Variants in GFOD1 observed in about 807,000 individuals in gnomAD.
GFOD1 encodes the protein Gfo/Idh/MocA-like oxidoreductase domain containing 1, also known as glucose-fructose oxidoreductase domain-containing protein 1.
In GFOD1, 9 loss-of-function variants were observed where a neutral mutation model predicts 25.4. The ratio of observed to expected loss-of-function variants is 0.35; its 90% CI spans 0.21 to 0.62. The LOEUF is 0.62. GFOD1 is among the 20% of genes least tolerant of loss of function. The pLI is 0.72. For missense variants in GFOD1, 403 were observed against 556.9 expected (o/e 0.72, Z 2.78); for synonymous variants, 253 against 245.6 (o/e 1.03, Z -0.28).
intron 1 of GFOD1, among the ~76,000 whole-genome samples, chr6:13,390,434 T>C (rs954630451): frequency 6.0e-5 from 9 of 150,060 alleles, no homozygotes; most frequent in Non-Finnish European, 1.2e-4. Context: ...CTAAAAAAAA[T>C]ACAAAAAATA....
intron 1 of GFOD1, among the ~76,000 whole-genome samples, chr6:13,475,745 A>G (rs1194706313): frequency 1.4e-5 from 2 of 142,386 alleles, no homozygotes; most frequent in Admixed American, 1.4e-4. Flanking sequence ...AATAATAATA[A>G]TAATAATAAT....
At chr6:13,468,333 G>C (rs914495939) in intron 1 of GFOD1, among the ~76,000 whole-genome samples, 2 of 151,800 alleles carry the variant, frequency 1.3e-5, no homozygotes, top group Non-Finnish European at 2.9e-5. Context: ...AATTCTAATG[G>C]CTATTTAGTA....
At chr6:13,370,099 G>A (rs1785120622) in intron 1 of GFOD1, among the ~76,000 whole-genome samples, 1 of 152,184 alleles carries the variant, frequency 6.6e-6, no homozygotes, top group South Asian at 2.1e-4. Flanking sequence ...AAGTCTAGGG[G>A]AGCTGGCAGG....
chr6:13,439,118 A>C (rs1757877170), intron 1 of GFOD1, among the ~76,000 whole-genome samples: 1 of 152,206 alleles, frequency 6.6e-6, no homozygotes, highest in Non-Finnish European at 1.5e-5. Flanking sequence ...TTAGGGGTAC[A>C]TTCCCCAAAC....
At position 13,361,614 on chromosome 6, in the gene GFOD1, C is replaced by T. The variant is rs957294693; in HGVS notation, c.*3129G>A. The stretch of plus-strand genomic sequence containing the variant: ...GGCTAGAGATTTCAGCTTCATATAG[C>T]TACCCCAAATCAAGTCTTTGCATGT... On this transcript the variant is annotated 3_prime_UTR_variant, in exon 2 of 2. Transcript: ENST00000379287. 1 of 152,166 alleles carries T rather than the reference C, an allele frequency of 6.6e-6. No individual in the cohort carries two copies. The highest frequency in any genetic ancestry group is 1.5e-5 in the Non-Finnish European group (1 of 68,052). The allele number at this position is 152,166 out of a possible 1,614,324, so 9.4% of individuals were successfully genotyped here.
At chr6:13,385,387 T>A (rs2127559697) in intron 1 of GFOD1, among the ~76,000 whole-genome samples, 1 of 152,340 alleles carries the variant, frequency 6.6e-6, no homozygotes, top group South Asian at 2.1e-4. Flanking sequence ...TTAATGGAAC[T>A]GTCATTCAAC....
chr6:13,461,902 T>C (rs1758296454), intron 1 of GFOD1, among the ~76,000 whole-genome samples: 3 of 152,174 alleles, frequency 2.0e-5, no homozygotes, highest in South Asian at 2.1e-4. Context: ...GTACCAAGCA[T>C]GGTGCAATGA....
intron 1 of GFOD1, among the ~76,000 whole-genome samples, chr6:13,422,627 G>C (rs1786279678): frequency 6.6e-6 from 1 of 152,178 alleles, no homozygotes; most frequent in South Asian, 2.1e-4. Context: ...TAGCGTTCAG[G>C]TGGATGACAG....
chr6:13,390,775 G>GGGGA (rs1785579220), intron 1 of GFOD1, among the ~76,000 whole-genome samples: 1 of 118,378 alleles, frequency 8.4e-6, no homozygotes, highest in African/African-American at 5.1e-5. Context: ...GAGAGAGAGA[G>GGGGA]AGAGAAAGGA....
chr6:13,397,491 C>G (rs1785756075), intron 1 of GFOD1, among the ~76,000 whole-genome samples: 1 of 152,234 alleles, frequency 6.6e-6, no homozygotes, highest in South Asian at 2.1e-4. Context: ...TCTGGCATCT[C>G]TGGGGCAGCC....
intron 1 of GFOD1, among the ~76,000 whole-genome samples, chr6:13,428,864 G>A (rs1331339868): frequency 6.6e-6 from 1 of 152,172 alleles, no homozygotes; most frequent in Non-Finnish European, 1.5e-5. Flanking sequence ...TAGCAAGAAG[G>A]TCCACTAAGT....
At chr6:13,394,834 T>C (rs771720842) in intron 1 of GFOD1, among the ~76,000 whole-genome samples, 22 of 151,856 alleles carry the variant, frequency 1.4e-4, no homozygotes, top group Non-Finnish European at 2.2e-4. Context: ...CGTTTCACCA[T>C]ATTGGCCAGG....
intron 1 of GFOD1, among the ~76,000 whole-genome samples, chr6:13,451,365 C>T (rs1451480688): frequency 2.6e-5 from 4 of 152,248 alleles, no homozygotes; most frequent in South Asian, 2.1e-4. Context: ...CACGGAGGCC[C>T]GAGCCTAGGG....
intron 1 of GFOD1, among the ~76,000 whole-genome samples, chr6:13,392,343 C>CAAAAAA (rs1035923592): frequency 6.5e-5 from 4 of 61,444 alleles, no homozygotes; most frequent in Admixed American, 2.0e-4. Flanking sequence ...GACCCTATCT[C>CAAAAAA]AAAAAAAAAA....
chr6:13,455,131 C>T (rs1758165803), intron 1 of GFOD1, among the ~76,000 whole-genome samples: 1 of 152,170 alleles, frequency 6.6e-6, no homozygotes, highest in Non-Finnish European at 1.5e-5. Context: ...CACACCCACA[C>T]ACGCACACAC....
At chr6:13,444,388 CAA>C (rs112422613) in intron 1 of GFOD1, among the ~76,000 whole-genome samples, 5 of 120,828 alleles carry the variant, frequency 4.1e-5, no homozygotes, top group Admixed American at 8.3e-5. Flanking sequence ...GGGAGAGAAG[CAA>C]AAAAAAAAAA....
intron 1 of GFOD1, among the ~76,000 whole-genome samples, chr6:13,448,757 T>C (rs1758047085): frequency 6.6e-6 from 1 of 152,158 alleles, no homozygotes; most frequent in African/African-American, 2.4e-5. Context: ...TATAAACTTT[T>C]CCAAAACAGC....
chr6:13,462,653 C>T (rs1217913438), intron 1 of GFOD1, among the ~76,000 whole-genome samples: 3 of 152,182 alleles, frequency 2.0e-5, no homozygotes, highest in Non-Finnish European at 4.4e-5. Flanking sequence ...CCATCATTTC[C>T]TGGGCCCCTT....
At chr6:13,374,269 T>TGTGTGTGTGTGTGTG (rs1388428104) in intron 1 of GFOD1, among the ~76,000 whole-genome samples, 26 of 121,882 alleles carry the variant, frequency 2.1e-4, no homozygotes, top group South Asian at 1.5e-3. Context: ...AATATGTTTT[T>TGTGTGTGTGTGTGTG]TTTTTGTGTG....
Sources: gnomAD v4.1 joint callset for allele counts (sites outside exome capture counted in the v4.1 genomes callset) on GRCh38, gnomAD v4.1.1 for gene constraint, MANE v1.5 for transcripts, NCBI Gene and HGNC (gene_info 2026-07-23, HGNC 2026-07-21) for gene names.